Variants in ETS2 observed in about 807,000 individuals in gnomAD.
ETS2 encodes ETS proto-oncogene 2, transcription factor, also known as protein C-ets-2.
A neutral mutation model predicts 54.9 loss-of-function variants in ETS2; 19 were observed. The observed-to-expected ratio is 0.35, with a 90% confidence interval of 0.24 to 0.51. The LOEUF is 0.51. Ranked by LOEUF, ETS2 falls within the 20% of genes least tolerant of loss-of-function variation. The probability of loss-of-function intolerance (pLI) is 0.97; values close to 1 mark genes in which losing one functional copy is unlikely to be tolerated. For missense variants in ETS2, 417 were observed against 593.0 expected (o/e 0.70, Z 3.08); for synonymous variants, 219 against 229.3 (o/e 0.95, Z 0.41).
In ETS2 at chr21:38,814,989, C is replaced by A; in HGVS notation, c.505+8C>A. The A allele has an allele frequency of 1.9e-6, 3 of 1,613,138 alleles. No individual in the cohort carries two copies. The highest frequency in any genetic ancestry group is 2.5e-6 in the Non-Finnish European group (3 of 1,179,124). On this transcript the variant is annotated splice_region_variant and intron_variant, in intron 5 of 9. Transcript: ENST00000360938. This position sits in a 1 kb window ranked among gnomAD's most constrained non-coding sequence, Gnocchi z 4.2. ...TGGAGCAAATGATCAAAGGTACCAGCTGAACGTCTTACTTCTCCTTGTCCA... is the reference window on the plus strand; with the variant it reads ...TGGAGCAAATGATCAAAGGTACCAGATGAACGTCTTACTTCTCCTTGTCCA...
chr21:38,806,525 C>T lies in ETS2; in HGVS notation c.-1+405C>T. On this transcript the variant is annotated intron_variant, in intron 1 of 9. Coordinates refer to ENST00000360938, the MANE Select transcript of ETS2 (RefSeq NM_005239.6). The surrounding 1 kb of genome is among the most constrained non-coding windows in gnomAD (Gnocchi z 4.3). ...ATGATTTCGCGAACGGGAGTGGGGG[C>T]ACAGGAGAGCGTGTCCGAGGTGGCC... 1 of 985,494 alleles carries T rather than the reference C, an allele frequency of 1.0e-6. No individual in the cohort carries two copies. The highest frequency in any genetic ancestry group is 1.2e-6 in the Non-Finnish European group (1 of 830,004). The allele number at this position is 985,494 out of a possible 1,614,324, so 61.0% of individuals were successfully genotyped here.
In ETS2 at chr21:38,824,627, A is replaced by T. The variant is rs2060971979; in HGVS notation, c.*1738A>T. On this transcript the variant is annotated 3_prime_UTR_variant, in exon 10 of 10. Coordinates refer to ENST00000360938, the MANE Select transcript of ETS2 (RefSeq NM_005239.6). The stretch of plus-strand genomic sequence containing the variant: ...ATACCCACAAAAGACCATTCCCAGT[A>T]TACATAAGCACAGGATGTTTTTCTC... 6.6e-6 allele frequency: 1 copy of T among 152,556 alleles called. No homozygotes were observed. The highest frequency in any genetic ancestry group is 2.1e-4 in the South Asian group (1 of 4,834). The allele number at this position is 152,556 out of a possible 1,614,324, so 9.5% of individuals were successfully genotyped here. A position where few individuals can be genotyped will look rare whatever the true frequency, so the allele number is the denominator to read the frequency against.
At chr21:38,817,621 C>T (rs946789561) in intron 6 of ETS2, among the ~76,000 whole-genome samples, 1 of 152,150 alleles carries the variant, frequency 6.6e-6, no homozygotes, top group Non-Finnish European at 1.5e-5. Flanking sequence ...GCACAGAGTG[C>T]GTGAAAAGCA....
At position 38,819,695 on chromosome 21, in the gene ETS2, T is replaced by C; in HGVS notation, c.1004T>C (p.Ile335Thr). ...CCAACCATGTCTTTCAAGGATTACA[T>C]CCAAGAGAGGAGTGACCCAGTGGAG... ...NKPTMSFKDY[I>T]QERSDPVEQG... Residue 335 changes from isoleucine to threonine, a missense_variant, in exon 8 of 10, where the codon ATC (isoleucine) becomes ACC (threonine). By Grantham distance (89) the Ile-to-Thr change is moderately conservative (BLOSUM62 -1). This residue lies in a region of ETS2 where 326 missense variants were observed against 426.1 expected (regional missense o/e 0.76). Transcript: ENST00000360938. The C allele has an allele frequency of 6.2e-7, 1 of 1,614,032 alleles. No homozygotes were observed. The highest frequency in any genetic ancestry group is 2.2e-5 in the East Asian group (1 of 44,878).
At position 38,822,953 on chromosome 21, in the gene ETS2, C is replaced by T; in HGVS notation, c.*64C>T. On this transcript the variant is annotated 3_prime_UTR_variant, in exon 10 of 10. Transcript: ENST00000360938. ...GACTGAGTGGGAAGCCCATCCTGAC[C>T]AGCTGCTCCGAGGACCCAGGAAAGG... 7.6e-7 allele frequency: 1 copy of T among 1,309,572 alleles called. No homozygotes were observed. Among genetic ancestry groups the T allele is most frequent in the African/African-American group, 1.5e-5 (1 of 67,200 alleles). 81.1% of individuals were successfully genotyped at this position (1,309,572 alleles called of 1,614,324 possible).
intron 7 of ETS2, 96 bp from the exon 8 acceptor site, chr21:38,819,407 A>AG (rs1202577493): frequency 8.9e-7 from 1 of 1,127,234 alleles, no homozygotes. Flanking sequence ...CAGCAGGTGC[A>AG]TGATTGCACT....
intron 2 of ETS2, among the ~76,000 whole-genome samples, chr21:38,811,688 A>G (rs2060914520): frequency 6.6e-6 from 1 of 152,176 alleles, no homozygotes; most frequent in Non-Finnish European, 1.5e-5. Context: ...TCTTTCATAA[A>G]TGTTATGTAA....
Position 38,823,826 on chromosome 21 carries a change from C to T in ETS2, c.*937C>T, listed in dbSNP as rs1569028067. 6.6e-6 allele frequency: 1 copy of T among 152,568 alleles called. No homozygotes were observed. The highest frequency in any genetic ancestry group is 1.5e-5 in the Non-Finnish European group (1 of 68,020). 9.5% of individuals were successfully genotyped at this position (152,568 alleles called of 1,614,324 possible). On this transcript the variant is annotated 3_prime_UTR_variant, in exon 10 of 10. Transcript: ENST00000360938. ...ATGGCATATGTTTTCCACTTCTTTG[C>T]ATGCGTTTAAGTCAGTTTATACACA...
chr21:38,814,203 T>C lies in ETS2; in HGVS notation c.185-70T>C. 6.7e-7 allele frequency: 1 copy of C among 1,486,888 alleles called. No individual in the cohort carries two copies. The highest frequency in any genetic ancestry group is 9.2e-7 in the Non-Finnish European group (1 of 1,081,912). 92.1% of individuals were successfully genotyped at this position (1,486,888 alleles called of 1,614,324 possible). On this transcript the variant is annotated intron_variant, in intron 3 of 9. Coordinates refer to ENST00000360938, the MANE Select transcript of ETS2 (RefSeq NM_005239.6). This position sits in a 1 kb window ranked among gnomAD's most constrained non-coding sequence, Gnocchi z 4.2. ...TTGTTCTTTTCCAAAAACTAAGATG[T>C]CTCTCCTAAATCTCCACCTGATATC...
Position 38,806,856 on chromosome 21 carries a change from C to T in ETS2, c.-1+736C>T. The stretch of plus-strand genomic sequence containing the variant: ...GTGTTTGGGTTGCGTGTGTGTTATC[C>T]TATTTTATTTTTTACGGCAGGAGAC... On this transcript the variant is annotated intron_variant, in intron 1 of 9. Transcript: ENST00000360938. This position sits in a 1 kb window ranked among gnomAD's most constrained non-coding sequence, Gnocchi z 4.3. The T allele has an allele frequency of 1.0e-6, 1 of 985,094 alleles. No individual in the cohort carries two copies. Among genetic ancestry groups the T allele is most frequent in the Non-Finnish European group, 1.2e-6 (1 of 829,646 alleles). The allele number at this position is 985,094 out of a possible 1,614,324, so 61.0% of individuals were successfully genotyped here. A position where few individuals can be genotyped will look rare whatever the true frequency, so the allele number is the denominator to read the frequency against.
chr21:38,817,046 T>G lies in ETS2; in HGVS notation c.544T>G (p.Ser182Ala), dbSNP rs1326047456. The G allele has an allele frequency of 1.2e-6, 2 of 1,613,010 alleles. No homozygotes were observed. The highest frequency in any genetic ancestry group is 1.7e-6 in the Non-Finnish European group (2 of 1,179,136). The change falls in exon 6 of 10, where the codon TCA becomes GCA. Residue 182 changes from serine (S) to alanine (A), a missense_variant. By Grantham distance (99) the Ser-to-Ala change is moderately conservative. Coordinates refer to ENST00000360938, the MANE Select transcript of ETS2 (RefSeq NM_005239.6). ...EKTEDQYEEN[S>A]HLTSVPHWIN... ...GACAGAAGATCAATATGAAGAAAAT[T>G]CACACCTCACCTCCGTTCCTCATTG...
chr21:38,809,006 C>A (rs140728199), intron 1 of ETS2, among the ~76,000 whole-genome samples: 2 of 152,332 alleles, frequency 1.3e-5, no homozygotes, highest in African/African-American at 4.8e-5. Context: ...ACTTACCTGG[C>A]TGAACAATTA....
At chr21:38,817,273 A>G (rs931483767) in intron 6 of ETS2, among the ~76,000 whole-genome samples, 182 bp downstream of exon 6, 3 of 152,272 alleles carry the variant, frequency 2.0e-5, no homozygotes, top group African/African-American at 7.2e-5. Context: ...ATGTGTAGGA[A>G]GAGTATAGTC....
intron 5 of ETS2, among the ~76,000 whole-genome samples, chr21:38,815,898 C>T (rs2060931001): frequency 6.9e-6 from 1 of 144,436 alleles, no homozygotes; most frequent in South Asian, 2.3e-4. Flanking sequence ...CGAGATCACA[C>T]CACTGCACTC....
chr21:38,818,642 T>C lies in ETS2; in HGVS notation c.807T>C (p.Asn269=). Residue 269 remains asparagine, a synonymous_variant, in exon 7 of 10, where the codon AAT becomes AAC. Transcript: ENST00000360938. ...GCAACTTGAATTTGCTCACCAACAA[T>C]TCTGGTAAGATTGGAAGCATCTTTC... ...PGSNLNLLTN[N]SGTPKDHDSP... is the part of the protein sequence containing the mutation. 6.2e-7 allele frequency: 1 copy of C among 1,614,124 alleles called. No homozygotes were observed. Among genetic ancestry groups the C allele is most frequent in the Non-Finnish European group, 8.5e-7 (1 of 1,180,012 alleles).
Position 38,818,707 on chromosome 21 carries a change from T to C in ETS2, c.811+61T>C, listed in dbSNP as rs543150382. ...TTTGATTCTGAGAACCCCAGAGCCATAATGAACCTCTTAATAAATACTTCC... is the reference window on the plus strand; with the variant it reads ...TTTGATTCTGAGAACCCCAGAGCCACAATGAACCTCTTAATAAATACTTCC... On this transcript the variant is annotated intron_variant, in intron 7 of 9. Transcript: ENST00000360938. 68 of 1,567,632 alleles carry C rather than the reference T, an allele frequency of 4.3e-5. No individual in the cohort carries two copies. In the South Asian group the frequency reaches 6.6e-4, roughly 15 times the overall value.
chr21:38,807,103 C>T (rs753582695), intron 1 of ETS2, among the ~76,000 whole-genome samples: 27 of 152,204 alleles, frequency 1.8e-4, no homozygotes, highest in Admixed American at 1.2e-3. Context: ...CCACGTTAAG[C>T]TTTATTAAAA....
In ETS2 at chr21:38,806,416, C is replaced by T; in HGVS notation, c.-1+296C>T. The T allele has an allele frequency of 1.0e-6, 1 of 985,738 alleles. No individual in the cohort carries two copies. The highest frequency in any genetic ancestry group is 1.2e-6 in the Non-Finnish European group (1 of 830,242). The allele number at this position is 985,738 out of a possible 1,614,324, so 61.1% of individuals were successfully genotyped here. A position where few individuals can be genotyped will look rare whatever the true frequency, so the allele number is the denominator to read the frequency against. ...CCTAGCGGCGGGCGCGGCCAGGGCG[C>T]GCTGGCTTGTTTCGCTCGCTTTTGT... On this transcript the variant is annotated intron_variant, in intron 1 of 9. Transcript: ENST00000360938. This position sits in a 1 kb window ranked among gnomAD's most constrained non-coding sequence, Gnocchi z 4.3.
At chr21:38,807,982 G>C (rs567743342) in intron 1 of ETS2, among the ~76,000 whole-genome samples, 1 of 152,204 alleles carries the variant, frequency 6.6e-6, no homozygotes, top group Non-Finnish European at 1.5e-5. Flanking sequence ...CTAGAGGAAG[G>C]AGCATTTCAC....
Sources: allele counts gnomAD v4.1 joint callset (sites outside exome capture counted in the v4.1 genomes callset), GRCh38; gene constraint gnomAD v4.1.1; regional missense constraint gnomAD v4.1.1; non-coding constraint Gnocchi (gnomAD v3.1); transcripts MANE v1.5; gene names NCBI Gene and HGNC (gene_info 2026-07-23, HGNC 2026-07-21).